RBFOX3: variants seen among roughly 807,000 people sequenced by gnomAD.
RBFOX3 encodes the protein RNA binding protein fox-1 homolog 3.
Under a neutral mutation model 48.7 loss-of-function variants are expected in RBFOX3, and 17 were observed. The observed-to-expected ratio is 0.35, with a 90% confidence interval of 0.24 to 0.52. RBFOX3 has a LOEUF of 0.52. RBFOX3 is among the 20% of genes least tolerant of loss of function. RBFOX3 has a pLI of 0.94. For synonymous variants in RBFOX3, 212 were observed against 209.5 expected, an observed-to-expected ratio of 1.01 and a Z score of -0.10; for missense variants, 382 against 497.5, an observed-to-expected ratio of 0.77 and a Z score of 2.21.
At chr17:79,157,630 C>T (rs2046113559) in intron 4 of RBFOX3, among the ~76,000 whole-genome samples, 1 of 152,194 alleles carries the variant, frequency 6.6e-6, no homozygotes, top group African/African-American at 2.4e-5. Context: ...GGGCCCTGAG[C>T]ACAGCTCCTC....
intron 2 of RBFOX3, among the ~76,000 whole-genome samples, chr17:79,465,998 T>C (rs550522805): frequency 2.3e-4 from 35 of 152,274 alleles, no homozygotes; most frequent in African/African-American, 7.9e-4. Context: ...CCCAGCTGGA[T>C]CTCCCAGCCC....
At chr17:79,122,862 T>G (rs944587883) in intron 4 of RBFOX3, among the ~76,000 whole-genome samples, 5 of 151,938 alleles carry the variant, frequency 3.3e-5, no homozygotes, top group African/African-American at 1.2e-4. Context: ...AATGGAGTAC[T>G]ATTGAGCCAT....
chr17:79,125,535 C>T lies in RBFOX3; in HGVS notation c.-33-9787G>A, dbSNP rs570631237. On this transcript the variant is annotated intron_variant, in intron 4 of 14. Transcript: ENST00000693108. Reference sequence around the variant, plus strand: ...AAGGTCCCCCAGCCTGCGTGTGGGACAACGGGCCGGCAGGGAGCTCAGGGA... The same window carrying T: ...AAGGTCCCCCAGCCTGCGTGTGGGATAACGGGCCGGCAGGGAGCTCAGGGA... Among the ~76,000 whole-genome samples, 8 of 152,368 alleles carry T rather than the reference C, an allele frequency of 5.3e-5. No homozygotes were observed. The South Asian group carries it at 1.2e-3, about 24-fold the overall frequency.
At chr17:79,153,302 C>G (rs2045022015) in intron 4 of RBFOX3, among the ~76,000 whole-genome samples, 1 of 152,162 alleles carries the variant, frequency 6.6e-6, no homozygotes, top group African/African-American at 2.4e-5. Flanking sequence ...GAGGGTGTGG[C>G]CAGGGAGGTA....
intron 2 of RBFOX3, among the ~76,000 whole-genome samples, chr17:79,349,497 G>A (rs2083487590): frequency 6.6e-6 from 1 of 151,898 alleles, no homozygotes; most frequent in African/African-American, 2.4e-5. Flanking sequence ...GGTCCCTATT[G>A]AAATTCTGCT....
At chr17:79,097,668 T>TGCCCCCC in intron 10 of RBFOX3, 24 bp downstream of exon 10, 1 of 1,010,928 alleles carries the variant, frequency 9.9e-7, no homozygotes, top group Non-Finnish European at 1.4e-6. Flanking sequence ...TCTCATCCCA[T>TGCCCCCC]CCCCGCCCCG....
chr17:79,241,294 G>A (rs767047224), intron 3 of RBFOX3, among the ~76,000 whole-genome samples: 55 of 151,896 alleles, frequency 3.6e-4, no homozygotes, highest in Non-Finnish European at 5.3e-4. Flanking sequence ...GGCTACAGGT[G>A]TGAACCATGG....
chr17:79,376,215 A>C (rs1485141339), intron 2 of RBFOX3, among the ~76,000 whole-genome samples: 1 of 151,980 alleles, frequency 6.6e-6, no homozygotes, highest in African/African-American at 2.4e-5. Context: ...GTCTCTGTCC[A>C]CTGGTCCCAG....
rs776958926 is a variant in RBFOX3 at position 79,095,474 on chromosome 17, C to T, written c.998+39G>A. On this transcript the variant is annotated intron_variant, in intron 13 of 14. Coordinates refer to ENST00000693108, the MANE Select transcript of RBFOX3 (RefSeq NM_001350451.2). ...CCCAGGGATCCTTGTCCATCTTCTCCCCACCCTGCTCCAGAACAGTGCTGG... is the reference window on the plus strand; with the variant it reads ...CCCAGGGATCCTTGTCCATCTTCTCTCCACCCTGCTCCAGAACAGTGCTGG... 114 of 1,530,304 alleles carry T rather than the reference C, an allele frequency of 7.4e-5. 1 individual carries two copies. In the Admixed American group the frequency reaches 2.2e-3, roughly 30 times the overall value. 94.8% of individuals were successfully genotyped at this position (1,530,304 alleles called of 1,614,324 possible).
Position 79,610,812 on chromosome 17 carries a change from G to T in RBFOX3, c.-320+14C>A, listed in dbSNP as rs1252849274. On this transcript the variant is annotated intron_variant, in intron 1 of 14. Transcript: ENST00000693108. Reference sequence around the variant, plus strand: ...GCCGCAGAGCGAGGCGGGCGACGAGGCCAGGCTACTCACGGGCTCAGCGCT... The same window carrying T: ...GCCGCAGAGCGAGGCGGGCGACGAGTCCAGGCTACTCACGGGCTCAGCGCT... 6.6e-6 allele frequency among the ~76,000 whole-genome samples: 1 copy of T among 151,960 alleles called. No individual in the cohort carries two copies. The highest frequency in any genetic ancestry group is 2.4e-5 in the African/African-American group (1 of 41,422).
In RBFOX3 at chr17:79,166,357, C is replaced by T. The variant is rs528670986; in HGVS notation, c.-33-50609G>A. On this transcript the variant is annotated intron_variant, in intron 4 of 14. Transcript: ENST00000693108. ...AGCCCGCCAGGAGCTGTAGCCGCCCCGGGCTCCAACTCAGGCAGCCGAGAC... is the reference window on the plus strand; with the variant it reads ...AGCCCGCCAGGAGCTGTAGCCGCCCTGGGCTCCAACTCAGGCAGCCGAGAC... 3.2e-4 allele frequency among the ~76,000 whole-genome samples: 49 copies of T among 152,326 alleles called. 1 individual carries two copies. In the East Asian group the frequency reaches 7.9e-3, roughly 25 times the overall value.
rs998516808 is a variant in RBFOX3 at position 79,168,004 on chromosome 17, G to A, written c.-33-52256C>T. On this transcript the variant is annotated intron_variant, in intron 4 of 14. Transcript: ENST00000693108. ...AGAGTGGGGGGCAGTGGGGGTCCCC[G>A]GCTGGACCCCAGCCCCAGGGCTGGG... Among the ~76,000 whole-genome samples the A allele has an allele frequency of 7.2e-5, 11 of 152,224 alleles. 1 individual carries two copies. The highest frequency in any genetic ancestry group is 2.0e-4 in the Admixed American group (3 of 15,288).
At chr17:79,225,394 G>A (rs200486425) in intron 4 of RBFOX3, among the ~76,000 whole-genome samples, 5 of 151,084 alleles carry the variant, frequency 3.3e-5, no homozygotes, top group East Asian at 1.9e-4. Context: ...GGGTTCAAGC[G>A]ATTCTCATGT....
rs371343595 is a variant in RBFOX3 at position 79,131,081 on chromosome 17, CGT to C, written c.-33-15335_-33-15334del. 5.0e-3 allele frequency among the ~76,000 whole-genome samples: 759 copies of C among 150,822 alleles called. 9 individuals carry two copies. The highest frequency in any genetic ancestry group is 0.018 in the African/African-American group (727 of 40,682). ...ACCGTGAGCCATGTGCTGCGTGTCC[CGT>C]GTGTGCTGTGTGCCCCGTGTGTGCA... On this transcript the variant is annotated intron_variant, in intron 4 of 14. Transcript: ENST00000693108.
In RBFOX3 at chr17:79,212,906, G is replaced by C. The variant is rs146216837; in HGVS notation, c.-34+22860C>G. Among the ~76,000 whole-genome samples the C allele has an allele frequency of 3.9e-5, 6 of 152,282 alleles. No homozygotes were observed. Among genetic ancestry groups the C allele is most frequent in the Non-Finnish European group, 8.8e-5 (6 of 68,020 alleles). On this transcript the variant is annotated intron_variant, in intron 4 of 14. Coordinates refer to ENST00000693108, the MANE Select transcript of RBFOX3 (RefSeq NM_001350451.2). The surrounding 1 kb of genome is among the most constrained non-coding windows in gnomAD (Gnocchi z 4.7). ...GTCTGGCTCTGTTGCCCAGGCTGGA[G>C]TGCAGTGGCGCAATCTCAGATCACT...
chr17:79,286,885 G>T (rs1045042584), intron 3 of RBFOX3, among the ~76,000 whole-genome samples: 8 of 152,198 alleles, frequency 5.3e-5, no homozygotes, highest in African/African-American at 1.7e-4. Context: ...TCAGAAGCCT[G>T]GTCCCACACT....
chr17:79,263,059 GC>G (rs1368713326), intron 3 of RBFOX3, among the ~76,000 whole-genome samples: 1 of 152,178 alleles, frequency 6.6e-6, no homozygotes, highest in African/African-American at 2.4e-5. Flanking sequence ...AGCTGAGCAG[GC>G]CCAGGCCTTC....
chr17:79,229,164 G>A (rs901280155), intron 4 of RBFOX3, among the ~76,000 whole-genome samples: 1 of 145,410 alleles, frequency 6.9e-6, no homozygotes, highest in African/African-American at 2.6e-5. Context: ...GGTAGGCAGA[G>A]GTTGCAGTGA....
chr17:79,585,906 C>T (rs2093235333), intron 1 of RBFOX3, among the ~76,000 whole-genome samples: 1 of 152,166 alleles, frequency 6.6e-6, no homozygotes, highest in Admixed American at 6.5e-5. Context: ...CCTTCTTTGA[C>T]CAAGTCTTCA....
Sources: gnomAD v4.1 joint callset for allele counts (sites outside exome capture counted in the v4.1 genomes callset) on GRCh38, gnomAD v4.1.1 for gene constraint, Gnocchi (gnomAD v3.1) non-coding constraint, MANE v1.5 for transcripts, NCBI Gene and HGNC (gene_info 2026-07-23, HGNC 2026-07-21) for gene names.